Variants in SLC4A2 observed in about 807,000 individuals in gnomAD.
The protein encoded by SLC4A2 is anion exchange protein 2.
A neutral mutation model predicts 115.0 loss-of-function variants in SLC4A2; 36 were observed. That is an observed-to-expected ratio of 0.31 (90% confidence interval 0.24 to 0.41). The LOEUF (loss-of-function observed/expected upper bound fraction) is 0.41, where lower values mean the gene tolerates loss of function less well. Ranked by LOEUF, SLC4A2 falls within the 10% of genes least tolerant of loss-of-function variation. The pLI is 1.00. For synonymous variants in SLC4A2, 708 were observed against 708.3 expected, an observed-to-expected ratio of 1.00 and a Z score of 0.01; for missense variants, 1,252 against 1,705.6, an observed-to-expected ratio of 0.73 and a Z score of 4.68.
rs919876075 is a variant in SLC4A2, at chr7:151,074,689, C to T, written c.2895C>T (p.Pro965=). The change falls in exon 19 of 23, where the codon CCC becomes CCT. Residue 965 remains proline (P), a synonymous_variant. Coordinates refer to ENST00000413384, the MANE Select transcript of SLC4A2 (RefSeq NM_003040.4). ...CTGCCCTGCAGAAGCTGAGCGTTCC[C>T]AGTGGATTCTCGGTGACTGCCCCAG... is the stretch of plus-strand genomic sequence containing the variant. ...EDTYTQKLSV[P]SGFSVTAPEK... is the part of the protein sequence containing the mutation. The T allele has an allele frequency of 9.4e-6, 15 of 1,600,772 alleles. No homozygotes were observed. The Admixed American group carries it at 2.3e-4, about 25-fold the overall frequency.
At position 151,075,673 on chromosome 7, in the gene SLC4A2, G is replaced by A; in HGVS notation, c.3369G>A (p.Leu1123=). The A allele has an allele frequency of 3.7e-6, 6 of 1,611,216 alleles. No individual in the cohort carries two copies. Among genetic ancestry groups the A allele is most frequent in the Non-Finnish European group, 5.1e-6 (6 of 1,178,930 alleles). The change falls in exon 21 of 23, where the codon CTG becomes CTA. Residue 1123 remains leucine (L), a synonymous_variant. Coordinates refer to ENST00000413384, the MANE Select transcript of SLC4A2 (RefSeq NM_003040.4). ...IPLAVLFGIF[L]YMGVTSLNGI... The stretch of plus-strand genomic sequence containing the variant: ...TGGCCGTGCTCTTTGGAATTTTCCT[G>A]TACATGGGAGTCACCTCCCTTAACG...
Position 151,071,629 on chromosome 7 carries a change from G to T in SLC4A2, c.2191+24G>T. 6.2e-7 allele frequency: 1 copy of T among 1,613,524 alleles called. No homozygotes were observed. Among genetic ancestry groups the T allele is most frequent in the Non-Finnish European group, 8.5e-7 (1 of 1,179,872 alleles). ...GGGTGAGGAGAGCCTTCAGGTAGGG[G>T]GCGGCGGGGACTGCCCAGGGCCTGG... On this transcript the variant is annotated intron_variant, in intron 14 of 22. Coordinates refer to ENST00000413384, the MANE Select transcript of SLC4A2 (RefSeq NM_003040.4). The surrounding 1 kb of genome is among the most constrained non-coding windows in gnomAD (Gnocchi z 5.5).
At position 151,066,907 on chromosome 7, in the gene SLC4A2, A is replaced by C. The variant is rs748655425; in HGVS notation, c.880A>C (p.Lys294Gln). Residue 294 changes from lysine to glutamine, a missense_variant, in exon 7 of 23, where the codon AAA (lysine) becomes CAA (glutamine). By Grantham distance (53) the Lys-to-Gln change is moderately conservative. Transcript: ENST00000413384. ...VRRHLVRKNAKGSTQSGREGR... is the reference protein window; with the variant it reads ...VRRHLVRKNAQGSTQSGREGR... The stretch of plus-strand genomic sequence containing the variant: ...GCGGCACTTGGTGCGGAAGAATGCC[A>C]AAGGTTCCACACAGAGTGGCCGAGA... 1 of 1,613,688 alleles carries C rather than the reference A, an allele frequency of 6.2e-7. No homozygotes were observed. Among genetic ancestry groups the C allele is most frequent in the Admixed American group, 1.7e-5 (1 of 59,990 alleles).
In SLC4A2 at chr7:151,064,721, G is replaced by A. The variant is rs751865233; in HGVS notation, c.413G>A (p.Arg138Gln). Residue 138 changes from arginine (R) to glutamine (Q), a missense_variant, in exon 4 of 23, where the codon CGG (arginine) becomes CAG (glutamine). Coordinates refer to ENST00000413384, the MANE Select transcript of SLC4A2 (RefSeq NM_003040.4). ...EDEASEAEGA[R>Q]ALTQPSPVST... is the part of the protein sequence containing the mutation. ...GAGGCCAGCGAGGCTGAGGGGGCCC[G>A]GGCTCTCACTCAGCCGTCCCCTGTC... The A allele has an allele frequency of 3.7e-6, 6 of 1,612,270 alleles. No homozygotes were observed. Among genetic ancestry groups the A allele is most frequent in the Non-Finnish European group, 2.5e-6 (3 of 1,178,998 alleles).
intron 18 of SLC4A2, 66 bp from the exon 19 acceptor site, chr7:151,074,609 C>T: frequency 6.4e-7 from 1 of 1,568,214 alleles, no homozygotes; most frequent in Non-Finnish European, 8.7e-7. Context: ...AGATGCCATC[C>T]CCTTTCCATG....
chr7:151,062,916 G>C (rs1016257944), intron 2 of SLC4A2: 2 of 1,395,644 alleles, frequency 1.4e-6, no homozygotes, highest in African/African-American at 3.0e-5. Flanking sequence ...CTTCACCCCA[G>C]CCCTCCCCGC....
Position 151,060,415 on chromosome 7 carries a change from C to T in SLC4A2, c.-64+653C>T, listed in dbSNP as rs1268292699. 6.6e-6 allele frequency among the ~76,000 whole-genome samples: 1 copy of T among 152,190 alleles called. No homozygotes were observed. Among genetic ancestry groups the T allele is most frequent in the African/African-American group, 2.4e-5 (1 of 41,450 alleles). ...CCACATGGAAGAGCTGCGGAATTTACGAGTTCACTTGGGGGGTGGTTAATG... is the reference window on the plus strand; with the variant it reads ...CCACATGGAAGAGCTGCGGAATTTATGAGTTCACTTGGGGGGTGGTTAATG... On this transcript the variant is annotated intron_variant, in intron 1 of 22. Transcript: ENST00000413384. This position sits in a 1 kb window ranked among gnomAD's most constrained non-coding sequence, Gnocchi z 5.9.
At chr7:151,063,053 C>A in intron 2 of SLC4A2, 1 of 1,495,952 alleles carries the variant, frequency 6.7e-7, no homozygotes, top group Non-Finnish European at 8.8e-7. Context: ...GGAGCTGAGA[C>A]CGTGGGTGGG....
chr7:151,062,605 C>A, intron 2 of SLC4A2: 1 of 1,505,150 alleles, frequency 6.6e-7, no homozygotes. Flanking sequence ...AGGCTGGTCC[C>A]CTCCCCCTCC....
At chr7:151,072,643 C>G (rs1321317733) in intron 16 of SLC4A2, among the ~76,000 whole-genome samples, 2 of 151,268 alleles carry the variant, frequency 1.3e-5, no homozygotes, top group Non-Finnish European at 2.9e-5. Flanking sequence ...CTTTCAAAAA[C>G]TCATACTTTT....
At chr7:151,068,665 G>A (rs1028183825) in intron 8 of SLC4A2, among the ~76,000 whole-genome samples, 5 of 151,834 alleles carry the variant, frequency 3.3e-5, no homozygotes, top group Non-Finnish European at 5.9e-5. Flanking sequence ...AACTACAGGC[G>A]CGTGCTACCA....
At chr7:151,076,211 C>G (rs753550485) in intron 22 of SLC4A2, 25 bp downstream of exon 22, 11 of 1,610,482 alleles carry the variant, frequency 6.8e-6, no homozygotes, top group Admixed American at 5.0e-5. Context: ...CTGCCTCCCC[C>G]GGTTCCTCTT....
rs755475247 is a variant in SLC4A2 at position 151,076,376 on chromosome 7, G to A, written c.*9G>A. On this transcript the variant is annotated 3_prime_UTR_variant, in exon 23 of 23. Transcript: ENST00000413384. The stretch of plus-strand genomic sequence containing the variant: ...TGCCCATGCCTGTGTAGCCGCCACC[G>A]AGGGACAGCCGAGGGACCGATGGAC... The A allele has an allele frequency of 1.4e-5, 21 of 1,489,302 alleles. No homozygotes were observed. In the East Asian group the frequency reaches 2.9e-4, roughly 20 times the overall value. The allele number at this position is 1,489,302 out of a possible 1,614,324, so 92.3% of individuals were successfully genotyped here. A position where few individuals can be genotyped will look rare whatever the true frequency, so the allele number is the denominator to read the frequency against.
chr7:151,069,964 C>G lies in SLC4A2; in HGVS notation c.1165C>G (p.Leu389Val). ...TLAHGAVLLD[L>V]DQQTLPGVAH... ...TATGCTAGGGGCTGTGCTCTTGGAT[C>G]TGGACCAGCAGACCCTGCCCGGAGT... The change falls in exon 9 of 23, where the codon CTG becomes GTG. Residue 389 changes from leucine to valine, a missense_variant. Transcript: ENST00000413384. 1 of 1,614,000 alleles carries G rather than the reference C, an allele frequency of 6.2e-7. No homozygotes were observed. Among genetic ancestry groups the G allele is most frequent in the Non-Finnish European group, 8.5e-7 (1 of 1,180,028 alleles).
At chr7:151,062,725 C>G in intron 2 of SLC4A2, 1 of 1,414,590 alleles carries the variant, frequency 7.1e-7, no homozygotes, top group Non-Finnish European at 9.2e-7. Flanking sequence ...TCTCCCCGTC[C>G]CCTCGTCCCA....
Position 151,061,961 on chromosome 7 carries a change from G to A in SLC4A2, c.-27G>A, listed in dbSNP as rs745326295. On this transcript the variant is annotated 5_prime_UTR_variant, in exon 2 of 23. Coordinates refer to ENST00000413384, the MANE Select transcript of SLC4A2 (RefSeq NM_003040.4). ...GCCTCGTTGCCCTGAAAGCCGCAGC[G>A]ACAGCGAAAAGGGCTAAGATTCGGC... 1.2e-6 allele frequency: 2 copies of A among 1,607,570 alleles called. No homozygotes were observed. The highest frequency in any genetic ancestry group is 2.2e-5 in the East Asian group (1 of 44,798).
chr7:151,069,869 G>T, intron 8 of SLC4A2, 78 bp from the exon 9 acceptor site: 2 of 1,580,978 alleles, frequency 1.3e-6, no homozygotes, highest in Non-Finnish European at 1.7e-6. Context: ...CCTGTCCCCA[G>T]CTCCTGCTCC....
chr7:151,069,926 C>T (rs754187200), intron 8 of SLC4A2, 21 bp from the exon 9 acceptor site: 8 of 1,613,588 alleles, frequency 5.0e-6, no homozygotes, highest in Non-Finnish European at 6.8e-6. Context: ...CTGAGGGGCC[C>T]TCTGTGCCAT....
rs775828607 is a variant in SLC4A2, at chr7:151,062,020, C to A, written c.33C>A (p.Gly11=). 3.1e-6 allele frequency: 5 copies of A among 1,611,132 alleles called. No individual in the cohort carries two copies. Among genetic ancestry groups the A allele is most frequent in the East Asian group, 2.2e-5 (1 of 44,868 alleles). The stretch of plus-strand genomic sequence containing the variant: ...GCGCCCCTCGGCGCCCCGCCAAGGG[C>A]GCAGATTCTTTCTGTACGGTGAGTG... MSSAPRRPAK[G]ADSFCTPEPE... The change falls in exon 2 of 23, where the codon GGC becomes GGA. Residue 11 remains glycine (G), a synonymous_variant. Transcript: ENST00000413384.
Sources: gnomAD v4.1 joint callset for allele counts (sites outside exome capture counted in the v4.1 genomes callset) on GRCh38, gnomAD v4.1.1 for gene constraint, Gnocchi (gnomAD v3.1) non-coding constraint, MANE v1.5 for transcripts, NCBI Gene and HGNC (gene_info 2026-07-23, HGNC 2026-07-21) for gene names.